The following UNC5B variants were observed in gnomAD, a reference collection of about 807,000 sequenced individuals.
The protein encoded by UNC5B is unc-5 netrin receptor B.
Under a neutral mutation model 103.7 loss-of-function variants are expected in UNC5B, and 56 were observed. That is an observed-to-expected ratio of 0.54 (90% CI 0.44 to 0.67). UNC5B has a LOEUF of 0.67. UNC5B is among the 30% of genes least tolerant of loss of function. The pLI, the probability that UNC5B is intolerant of heterozygous loss-of-function variation, is 0.00. For missense variants in UNC5B, 1,194 were observed against 1,284.5 expected (o/e 0.93, Z 1.08); for synonymous variants, 577 against 542.0 (o/e 1.06, Z -0.90).
intron 1 of UNC5B, among the ~76,000 whole-genome samples, chr10:71,214,612 A>C (rs562817918): frequency 6.6e-6 from 1 of 152,244 alleles, no homozygotes; most frequent in Admixed American, 6.5e-5. Flanking sequence ...AAGTCTCTGT[A>C]AATGGCACAT....
At chr10:71,297,816 A>G in intron 15 of UNC5B, 93 bp from the exon 16 acceptor site, 1 of 1,374,894 alleles carries the variant, frequency 7.3e-7, no homozygotes. Context: ...GGAGTGACTC[A>G]AGGCTCAATG....
chr10:71,287,847 TC>T, intron 6 of UNC5B, 82 bp downstream of exon 6: 1 of 1,524,264 alleles, frequency 6.6e-7, no homozygotes, highest in Non-Finnish European at 8.8e-7. Flanking sequence ...GGACAGCCAT[TC>T]TCTCCCCAGC....
At chr10:71,279,346 G>A (rs1273267727) in intron 1 of UNC5B, among the ~76,000 whole-genome samples, 29 of 152,342 alleles carry the variant, frequency 1.9e-4, no homozygotes, top group Admixed American at 7.8e-4. Context: ...GGCAGGGGCT[G>A]CAAAGGGCAG....
At chr10:71,238,751 A>T (rs1843825723) in intron 1 of UNC5B, among the ~76,000 whole-genome samples, 1 of 151,746 alleles carries the variant, frequency 6.6e-6, no homozygotes, top group Admixed American at 6.6e-5. Flanking sequence ...CAGCATTTTC[A>T]CTCTCTTATA....
At chr10:71,280,074 C>T (rs988578527) in intron 2 of UNC5B, 29 bp downstream of exon 2, 1 of 1,607,844 alleles carries the variant, frequency 6.2e-7, no homozygotes, top group Non-Finnish European at 8.5e-7. Context: ...CCTGGGCACC[C>T]CAGGACACCC....
At chr10:71,268,266 T>G (rs2132287535) in intron 1 of UNC5B, among the ~76,000 whole-genome samples, 1 of 152,390 alleles carries the variant, frequency 6.6e-6, no homozygotes, top group South Asian at 2.1e-4. Context: ...CTCGCCCATT[T>G]GCCCTCTCCT....
chr10:71,285,620 C>G (rs527749978), intron 4 of UNC5B, among the ~76,000 whole-genome samples, 191 bp downstream of exon 4: 1 of 151,504 alleles, frequency 6.6e-6, no homozygotes, highest in East Asian at 1.9e-4. Flanking sequence ...CAGATCCCAG[C>G]TGGGTCTGCC....
chr10:71,294,145 G>A (rs111806059), intron 13 of UNC5B, among the ~76,000 whole-genome samples: 285 of 152,318 alleles, frequency 1.9e-3, no homozygotes, highest in African/African-American at 6.7e-3. Context: ...GGCAGACCAG[G>A]GATCCCTGAA....
rs1020364749 is a variant in UNC5B, at chr10:71,221,288, G to A, written c.79+8224G>A. Among the ~76,000 whole-genome samples, 5 of 152,230 alleles carry A rather than the reference G, an allele frequency of 3.3e-5. 1 individual carries two copies. The highest frequency in any genetic ancestry group is 1.2e-4 in the African/African-American group (5 of 41,462). On this transcript the variant is annotated intron_variant, in intron 1 of 16. Coordinates refer to ENST00000335350, the MANE Select transcript of UNC5B (RefSeq NM_170744.5). ...GAGGTAGAGAAGGGCCCCACTGGCAGAGGCAGCCTGGGCATGTGCGAGAAG... is the reference window on the plus strand; with the variant it reads ...GAGGTAGAGAAGGGCCCCACTGGCAAAGGCAGCCTGGGCATGTGCGAGAAG...
At chr10:71,240,886 C>T (rs575370342) in intron 1 of UNC5B, among the ~76,000 whole-genome samples, 1 of 152,356 alleles carries the variant, frequency 6.6e-6, no homozygotes, top group South Asian at 2.1e-4. Flanking sequence ...AAGAAGAAGA[C>T]TTTAATAGGA....
At chr10:71,276,943 G>A (rs1315601764) in intron 1 of UNC5B, among the ~76,000 whole-genome samples, 2 of 152,220 alleles carry the variant, frequency 1.3e-5, no homozygotes, top group African/African-American at 4.8e-5. Context: ...CAACAGAGAG[G>A]CACAGAGGGG....
rs1845091940 is a variant in UNC5B, at chr10:71,286,674, C to G, written c.553-15C>G. On this transcript the variant is annotated splice_polypyrimidine_tract_variant and intron_variant, in intron 4 of 16. Transcript: ENST00000335350. The stretch of plus-strand genomic sequence containing the variant: ...GTCCTGGGCCCTCACTGCCCCCTCA[C>G]CCCCACTCTTGCAGGTGGAATGGCT... 3.7e-6 allele frequency: 6 copies of G among 1,613,612 alleles called. No individual in the cohort carries two copies. The highest frequency in any genetic ancestry group is 1.3e-5 in the African/African-American group (1 of 74,914).
intron 1 of UNC5B, among the ~76,000 whole-genome samples, chr10:71,228,980 G>A (rs1843627173): frequency 6.6e-6 from 1 of 152,158 alleles, no homozygotes. Context: ...ACTCCCCAAG[G>A]CAGGGACTGG....
chr10:71,223,907 A>T (rs1843503445), intron 1 of UNC5B, among the ~76,000 whole-genome samples: 1 of 152,212 alleles, frequency 6.6e-6, no homozygotes, highest in Admixed American at 6.5e-5. Context: ...AGCAACTGCT[A>T]CCAGCTTCTT....
chr10:71,229,940 C>G (rs1843650386), intron 1 of UNC5B, among the ~76,000 whole-genome samples: 1 of 152,106 alleles, frequency 6.6e-6, no homozygotes, highest in Non-Finnish European at 1.5e-5. Flanking sequence ...GCAGAAACAC[C>G]CTCTTATTGA....
At chr10:71,278,524 T>C (rs1844828289) in intron 1 of UNC5B, among the ~76,000 whole-genome samples, 1 of 152,046 alleles carries the variant, frequency 6.6e-6, no homozygotes, top group South Asian at 2.1e-4. Flanking sequence ...CATTTTCTCC[T>C]AAGCTCCCCA....
intron 1 of UNC5B, among the ~76,000 whole-genome samples, chr10:71,246,386 TGG>T (rs766217573): frequency 4.0e-4 from 61 of 151,284 alleles, no homozygotes; most frequent in Non-Finnish European, 8.0e-4. Context: ...GAGATCACAG[TGG>T]GGTGGGGGGC....
At chr10:71,285,884 T>TA (rs1490969801) in intron 4 of UNC5B, among the ~76,000 whole-genome samples, 5 of 152,212 alleles carry the variant, frequency 3.3e-5, no homozygotes, top group Non-Finnish European at 7.4e-5. Context: ...GTTCCAGACA[T>TA]ACTCCCTGCA....
At chr10:71,233,545 C>T (rs77209819) in intron 1 of UNC5B, among the ~76,000 whole-genome samples, 217 of 152,310 alleles carry the variant, frequency 1.4e-3, no homozygotes, top group African/African-American at 4.9e-3. Context: ...CCCCACTCCA[C>T]GGTCCATCAC....
Sources: gnomAD v4.1 joint callset for allele counts (sites outside exome capture counted in the v4.1 genomes callset) on GRCh38, gnomAD v4.1.1 for gene constraint, MANE v1.5 for transcripts, NCBI Gene and HGNC (gene_info 2026-07-23, HGNC 2026-07-21) for gene names.